Variants in IL1RAPL1 observed in about 807,000 individuals in gnomAD.
The protein encoded by IL1RAPL1 is interleukin 1 receptor accessory protein like 1.
Under a neutral mutation model 48.4 loss-of-function variants are expected in IL1RAPL1, and 3 were observed. That is an observed-to-expected ratio of 0.06 (90% CI 0.03 to 0.16). The LOEUF (loss-of-function observed/expected upper bound fraction) is 0.16, where lower values mean the gene tolerates loss of function less well. IL1RAPL1 is among the 10% of genes least tolerant of loss of function. The pLI is 1.00. For missense variants in IL1RAPL1, 349 were observed against 530.6 expected (o/e 0.66, Z 3.36); for synonymous variants, 185 against 187.7 (o/e 0.99, Z 0.12).
chrX:29,689,063 C>G (rs959656055), intron 6 of IL1RAPL1, among the ~76,000 whole-genome samples: 3 of 111,439 alleles, frequency 2.7e-5, no homozygotes, highest in Non-Finnish European at 5.7e-5. Context: ...TGTTCTCGTA[C>G]ATTTGTCAAG....
intron 3 of IL1RAPL1, among the ~76,000 whole-genome samples, chrX:29,294,626 C>G (rs1932422655): frequency 9.0e-6 from 1 of 110,685 alleles, no homozygotes; most frequent in Non-Finnish European, 1.9e-5. Context: ...TATCCATACA[C>G]AAGATATAAA....
intron 5 of IL1RAPL1, among the ~76,000 whole-genome samples, chrX:29,501,306 T>G (rs1429275234): frequency 9.0e-6 from 1 of 111,384 alleles, no homozygotes; most frequent in Non-Finnish European, 1.9e-5. Flanking sequence ...GCGGAGGTAA[T>G]CCCATTTGTC....
intron 1 of IL1RAPL1, among the ~76,000 whole-genome samples, chrX:28,601,829 G>T (rs559507112): frequency 9.0e-6 from 1 of 110,974 alleles, no homozygotes; most frequent in Non-Finnish European, 1.9e-5. Flanking sequence ...AGTTGGCCAG[G>T]TATGGTGGTT....
chrX:28,993,907 T>G (rs973884709), intron 2 of IL1RAPL1, among the ~76,000 whole-genome samples: 5 of 111,776 alleles, frequency 4.5e-5, no homozygotes, highest in African/African-American at 1.6e-4. Context: ...AAATTTTATA[T>G]CCTTATGTAG....
chrX:28,973,213 C>T (rs1264862299), intron 2 of IL1RAPL1, among the ~76,000 whole-genome samples: 1 of 111,812 alleles, frequency 8.9e-6, no homozygotes, highest in East Asian at 2.8e-4. Flanking sequence ...GAAAACAGAG[C>T]ACTTTTCTTC....
chrX:29,854,698 TTAGAG>T (rs1230607125), intron 6 of IL1RAPL1, among the ~76,000 whole-genome samples: 4 of 111,511 alleles, frequency 3.6e-5, no homozygotes, highest in African/African-American at 1.3e-4. Context: ...CTTTCCTGGT[TTAGAG>T]TAATGATTGA....
At chrX:28,609,538 T>C (rs1250158852) in intron 1 of IL1RAPL1, among the ~76,000 whole-genome samples, 1 of 101,809 alleles carries the variant, frequency 9.8e-6, no homozygotes, top group Non-Finnish European at 2.0e-5. Flanking sequence ...TGGCAGGCAT[T>C]TTTTTTTTTT....
rs55890071 is a variant in IL1RAPL1, at chrX:29,936,518, A to AACACAC, written c.1058-5097_1058-5092dup. Among the ~76,000 whole-genome samples, 516 of 93,464 alleles carry AACACAC rather than the reference A, an allele frequency of 5.5e-3. 2 individuals are homozygous for AACACAC. The highest frequency in any genetic ancestry group is 0.015 in the African/African-American group (397 of 25,710). 81.2% of individuals were successfully genotyped at this position (93,464 alleles called of 115,157 possible). A position where few individuals can be genotyped will look rare whatever the true frequency, so the allele number is the denominator to read the frequency against. ...TCTGGCAAAATTCTATATATATAGG[A>AACACAC]ACACACACACACACACACACACACA... is the stretch of plus-strand genomic sequence containing the variant. On this transcript the variant is annotated intron_variant, in intron 8 of 10. Coordinates refer to ENST00000378993, the MANE Select transcript of IL1RAPL1 (RefSeq NM_014271.4).
At chrX:29,813,733 C>T (rs1287567711) in intron 6 of IL1RAPL1, among the ~76,000 whole-genome samples, 5 of 110,532 alleles carry the variant, frequency 4.5e-5, no homozygotes, top group African/African-American at 1.6e-4. Context: ...TCAGACTTTA[C>T]CCCCCTTCCC....
intron 2 of IL1RAPL1, chrX:28,942,569 A>C (rs1354629200): frequency 9.4e-6 from 1 of 106,715 alleles, no homozygotes; most frequent in Admixed American, 1.0e-4. Context: ...TCTGTTTTTC[A>C]TGTCTCAATA....
intron 2 of IL1RAPL1, among the ~76,000 whole-genome samples, chrX:29,227,846 T>C (rs1028340299): frequency 1.8e-5 from 2 of 111,153 alleles, no homozygotes; most frequent in African/African-American, 6.5e-5. Context: ...CTATAACCTT[T>C]ACATCTATTC....
At chrX:29,169,027 TAATA>T (rs1929860733) in intron 2 of IL1RAPL1, among the ~76,000 whole-genome samples, 1 of 106,417 alleles carries the variant, frequency 9.4e-6, no homozygotes, top group African/African-American at 3.4e-5. Flanking sequence ...TGTGATATAT[TAATA>T]AATGTGATAT....
rs762472887 is a variant in IL1RAPL1, at chrX:28,634,062, G to A, written c.-25+46015G>A. ...ATTCTGTCTCCCTGGCTGGAGCGCA[G>A]TGGTGCTATCTATCTGGGCTCATTG... is the stretch of plus-strand genomic sequence containing the variant. On this transcript the variant is annotated intron_variant, in intron 1 of 10. Coordinates refer to ENST00000378993, the MANE Select transcript of IL1RAPL1 (RefSeq NM_014271.4). 8.2e-5 allele frequency among the ~76,000 whole-genome samples: 9 copies of A among 110,146 alleles called. No individual in the cohort carries two copies. In the Admixed American group the frequency reaches 8.8e-4, roughly 11 times the overall value.
chrX:29,452,254 T>G (rs1390631724), intron 5 of IL1RAPL1, among the ~76,000 whole-genome samples: 2 of 112,073 alleles, frequency 1.8e-5, no homozygotes, highest in Non-Finnish European at 3.8e-5. Flanking sequence ...ACTTATCTGA[T>G]TCTTTCTTTA....
chrX:29,235,140 C>T (rs753048143), intron 2 of IL1RAPL1, among the ~76,000 whole-genome samples: 1 of 111,980 alleles, frequency 8.9e-6, no homozygotes, highest in Non-Finnish European at 1.9e-5. Context: ...ACATAGTTCT[C>T]GAGTTTGTAT....
At chrX:29,692,735 A>G (rs941513173) in intron 6 of IL1RAPL1, among the ~76,000 whole-genome samples, 2 of 111,020 alleles carry the variant, frequency 1.8e-5, no homozygotes, top group African/African-American at 3.3e-5. Flanking sequence ...GTTTGGTTGC[A>G]TGTTTGAGTC....
At chrX:29,884,146 C>G (rs772480024) in intron 6 of IL1RAPL1, among the ~76,000 whole-genome samples, 70 of 112,063 alleles carry the variant, frequency 6.2e-4, no homozygotes, top group African/African-American at 2.1e-3. Flanking sequence ...GAGTAGTAGT[C>G]TACCCATTTA....
In IL1RAPL1 at chrX:29,954,660, T is replaced by G; in HGVS notation, c.1340T>G (p.Phe447Cys). 8.3e-7 allele frequency: 1 copy of G among 1,203,703 alleles called. No homozygotes were observed. Among genetic ancestry groups the G allele is most frequent in the Non-Finnish European group, 1.1e-6 (1 of 888,007 alleles). ...MLEKHYGYKL[F>C]IPDRDLIPTG... is the part of the protein sequence containing the mutation. ...GAAAAGCATTATGGATATAAGTTGT[T>G]TATACCAGATAGAGATTTAATCCCA... is the stretch of plus-strand genomic sequence containing the variant. The change falls in exon 10 of 11, where the codon TTT (phenylalanine) becomes TGT (cysteine). Residue 447 changes from phenylalanine (F) to cysteine (C), a missense_variant. Transcript: ENST00000378993.
chrX:28,864,349 A>G (rs1922026383), intron 2 of IL1RAPL1, among the ~76,000 whole-genome samples: 1 of 112,142 alleles, frequency 8.9e-6, no homozygotes, highest in Non-Finnish European at 1.9e-5. Flanking sequence ...TGCCTATACC[A>G]TGTCCAGGTT....
Sources: allele counts gnomAD v4.1 joint callset (sites outside exome capture counted in the v4.1 genomes callset), GRCh38; gene constraint gnomAD v4.1.1; transcripts MANE v1.5; gene names NCBI Gene and HGNC (gene_info 2026-07-23, HGNC 2026-07-21).